Variants in C12orf56 observed in about 807,000 individuals in gnomAD.
C12orf56 encodes uncharacterized protein C12orf56.
C12orf56 carries 71 observed loss-of-function variants against 69.9 expected under a neutral mutation model. The ratio of observed to expected loss-of-function variants is 1.02; its 90% CI spans 0.84 to 1.24. The LOEUF (loss-of-function observed/expected upper bound fraction) is 1.24, where lower values mean the gene tolerates loss of function less well. C12orf56 is among the 50% of genes most tolerant of loss of function. The pLI, the probability that C12orf56 is intolerant of heterozygous loss-of-function variation, is 0.00. For missense variants in C12orf56, 732 were observed against 738.5 expected (o/e 0.99, Z 0.10); for synonymous variants, 276 against 274.1 (o/e 1.01, Z -0.07).
chr12:64,386,900 G>A (rs868238451), intron 1 of C12orf56, among the ~76,000 whole-genome samples: 2 of 139,430 alleles, frequency 1.4e-5, no homozygotes, highest in Non-Finnish European at 3.2e-5. Flanking sequence ...CCAACATGGC[G>A]ACACCCTGTC....
At chr12:64,359,374 T>TG (rs2039365760) in intron 1 of C12orf56, among the ~76,000 whole-genome samples, 1 of 152,214 alleles carries the variant, frequency 6.6e-6, no homozygotes, top group Non-Finnish European at 1.5e-5. Context: ...TAAATGTGTA[T>TG]GTTTTTCTCT....
chr12:64,285,746 C>T (rs1217100457), intron 7 of C12orf56, among the ~76,000 whole-genome samples: 2 of 152,044 alleles, frequency 1.3e-5, no homozygotes, highest in East Asian at 3.9e-4. Flanking sequence ...AAAGATCGTG[C>T]CACTGCACTC....
At chr12:64,369,637 G>A (rs1592496231) in intron 1 of C12orf56, among the ~76,000 whole-genome samples, 1 of 152,170 alleles carries the variant, frequency 6.6e-6, no homozygotes, top group African/African-American at 2.4e-5. Flanking sequence ...TAGCACAAAG[G>A]AGGGGAAGAG....
At chr12:64,271,154 G>T (rs568162516) in intron 11 of C12orf56, among the ~76,000 whole-genome samples, 1 of 148,496 alleles carries the variant, frequency 6.7e-6, no homozygotes, top group African/African-American at 2.5e-5. Flanking sequence ...AACAGAGCAA[G>T]ATTCCATCTC....
chr12:64,326,446 T>A (rs6581537), intron 3 of C12orf56, among the ~76,000 whole-genome samples: 68,037 of 152,032 alleles, frequency 0.45, 15,584 homozygotes, highest in African/African-American at 0.54. Flanking sequence ...ATTATCACAA[T>A]GTTCTGGGCA....
At chr12:64,274,684 G>A (rs549345252) in intron 11 of C12orf56, among the ~76,000 whole-genome samples, 21 of 152,176 alleles carry the variant, frequency 1.4e-4, no homozygotes, top group African/African-American at 4.3e-4. Context: ...ATGAAATAAC[G>A]TTCCCATTTA....
At chr12:64,315,706 C>T (rs1299968688) in intron 4 of C12orf56, among the ~76,000 whole-genome samples, 1 of 152,090 alleles carries the variant, frequency 6.6e-6, no homozygotes, top group Non-Finnish European at 1.5e-5. Flanking sequence ...CCGAGGCAGG[C>T]AGATCACCTG....
At chr12:64,387,346 T>C in intron 1 of C12orf56, among the ~76,000 whole-genome samples, 1 of 152,140 alleles carries the variant, frequency 6.6e-6, no homozygotes. Context: ...CCAACAATGT[T>C]GAAAACTTAG....
rs77615803 is a variant in C12orf56, at chr12:64,323,851, G to A, written c.489-4871C>T. On this transcript the variant is annotated intron_variant, in intron 3 of 12. Transcript: ENST00000543942. ...AAACCTCTTTTATTTTTCTAAATTG[G>A]AGGAAAACAATGGAACTCTCAAAGT... Among the ~76,000 whole-genome samples the A allele has an allele frequency of 7.7e-3, 1,175 of 152,224 alleles. 7 individuals are homozygous for A. Among genetic ancestry groups the A allele is most frequent in the Middle Eastern group, 0.017 (5 of 294 alleles).
intron 2 of C12orf56, among the ~76,000 whole-genome samples, chr12:64,339,277 A>G (rs925795358): frequency 2.0e-5 from 3 of 152,210 alleles, no homozygotes; most frequent in African/African-American, 7.2e-5. Context: ...AGGTAGGGGA[A>G]AAGTCTTTCC....
chr12:64,385,139 T>C (rs1200602464), intron 1 of C12orf56, among the ~76,000 whole-genome samples: 1 of 152,178 alleles, frequency 6.6e-6, no homozygotes, highest in Non-Finnish European at 1.5e-5. Context: ...GAGAACTCTT[T>C]CAAAAGTAAC....
chr12:64,283,915 T>TTC (rs2038164787), intron 8 of C12orf56, among the ~76,000 whole-genome samples: 1 of 150,878 alleles, frequency 6.6e-6, no homozygotes, highest in South Asian at 2.1e-4. Context: ...TCTATTTTTT[T>TTC]TTTTTTTTTT....
intron 1 of C12orf56, among the ~76,000 whole-genome samples, chr12:64,382,508 C>A (rs186058388): frequency 2.3e-4 from 35 of 152,106 alleles, no homozygotes; most frequent in African/African-American, 7.5e-4. Context: ...ATGTTCTAAG[C>A]ACTCTTTTAA....
intron 1 of C12orf56, among the ~76,000 whole-genome samples, chr12:64,380,133 A>C (rs1297945164): frequency 5.1e-4 from 24 of 46,840 alleles, no homozygotes; most frequent in Non-Finnish European, 1.1e-3. Context: ...AAAAAAAAAA[A>C]ACAAAACAAA....
chr12:64,340,296 C>T (rs184717465), intron 2 of C12orf56, among the ~76,000 whole-genome samples: 1 of 152,068 alleles, frequency 6.6e-6, no homozygotes, highest in African/African-American at 2.4e-5. Flanking sequence ...TCTGCCTTCC[C>T]CAGCCCACTG....
intron 1 of C12orf56, among the ~76,000 whole-genome samples, chr12:64,358,482 A>AATAATAATAATAATC (rs11275269): frequency 3.7e-4 from 47 of 125,946 alleles, no homozygotes; most frequent in Admixed American, 3.4e-4. Context: ...TAATAATAAT[A>AATAATAATAATAATC]ATCATCATCA....
intron 6 of C12orf56, among the ~76,000 whole-genome samples, chr12:64,301,250 A>G (rs1429526243): frequency 1.3e-5 from 2 of 152,206 alleles, no homozygotes; most frequent in African/African-American, 4.8e-5. Context: ...GTCCTTTCAC[A>G]AAGGCTGGGA....
chr12:64,311,190 A>C (rs1196865448), intron 5 of C12orf56, among the ~76,000 whole-genome samples: 16 of 152,086 alleles, frequency 1.1e-4, no homozygotes, highest in African/African-American at 3.9e-4. Flanking sequence ...TAATCCCAGC[A>C]CTTTGGGAGG....
At chr12:64,311,278 T>TA (rs1015300343) in intron 5 of C12orf56, among the ~76,000 whole-genome samples, 6 of 151,194 alleles carry the variant, frequency 4.0e-5, no homozygotes, top group African/African-American at 1.2e-4. Flanking sequence ...CTACTAAAAA[T>TA]AAAAAAATTA....
Sources: allele counts gnomAD v4.1 joint callset (sites outside exome capture counted in the v4.1 genomes callset), GRCh38; gene constraint gnomAD v4.1.1; transcripts MANE v1.5; gene names NCBI Gene and HGNC (gene_info 2026-07-23, HGNC 2026-07-21).